Variants in GSK3B observed in about 807,000 individuals in gnomAD.
GSK3B encodes glycogen synthase kinase 3 beta.
In GSK3B, 15 loss-of-function variants were observed where a neutral mutation model predicts 56.4. The ratio of observed to expected loss-of-function variants is 0.27; its 90% CI spans 0.18 to 0.41. GSK3B has a LOEUF of 0.41. Among genes scored for constraint, GSK3B ranks in the 10% least tolerant of loss-of-function variants. The probability of loss-of-function intolerance (pLI) is 1.00; values close to 1 mark genes in which losing one functional copy is unlikely to be tolerated. For missense variants in GSK3B, 300 were observed against 513.4 expected (o/e 0.58, Z 4.02); for synonymous variants, 181 against 188.9 (o/e 0.96, Z 0.34).
chr3:119,919,519 G>GAA (rs1166564827), intron 4 of GSK3B, among the ~76,000 whole-genome samples: 1 of 37,802 alleles, frequency 2.6e-5, no homozygotes, highest in Non-Finnish European at 6.2e-5. Flanking sequence ...GGTTACATAA[G>GAA]AAAAAAAAAA....
intron 1 of GSK3B, among the ~76,000 whole-genome samples, chr3:120,026,703 G>A (rs1027278440): frequency 7.9e-5 from 12 of 151,064 alleles, no homozygotes; most frequent in South Asian, 4.2e-4. Flanking sequence ...GATTACAGGC[G>A]CGCACCACCA....
intron 5 of GSK3B, among the ~76,000 whole-genome samples, chr3:119,914,262 G>A (rs1244918562): frequency 6.6e-6 from 1 of 151,930 alleles, no homozygotes; most frequent in African/African-American, 2.4e-5. Flanking sequence ...ATCTGATAAT[G>A]TACAGTCCAA....
chr3:119,913,176 G>A (rs946642596), intron 5 of GSK3B, among the ~76,000 whole-genome samples: 1 of 152,088 alleles, frequency 6.6e-6, no homozygotes, highest in Middle Eastern at 3.4e-3. Context: ...GCATGACAAT[G>A]GATTCTAAGA....
At chr3:119,992,987 T>C (rs1229849091) in intron 2 of GSK3B, among the ~76,000 whole-genome samples, 1 of 151,406 alleles carries the variant, frequency 6.6e-6, no homozygotes, top group East Asian at 1.9e-4. Flanking sequence ...AGAATGCAAA[T>C]TGGTATAACC....
rs751790636 is a variant in GSK3B at position 119,971,601 on chromosome 3, A to ATTTTTTT, written c.283-24257_283-24251dup. ...ATTGATACTTAAACTATTTGCAATA[A>ATTTTTTT]TTTTTTTTTTTTTTTTTTTTTTTTT... On this transcript the variant is annotated intron_variant, in intron 2 of 10. Coordinates refer to ENST00000264235, the MANE Select transcript of GSK3B (RefSeq NM_001146156.2). Among the ~76,000 whole-genome samples the ATTTTTTT allele has an allele frequency of 6.4e-3, 537 of 83,852 alleles. 74 individuals carry two copies. The highest frequency in any genetic ancestry group is 0.021 in the African/African-American group (394 of 18,794). 55.0% of individuals were successfully genotyped at this position (83,852 alleles called of 152,430 possible).
At chr3:120,062,103 A>G (rs1461208854) in intron 1 of GSK3B, among the ~76,000 whole-genome samples, 1 of 152,068 alleles carries the variant, frequency 6.6e-6, no homozygotes, top group African/African-American at 2.4e-5. Flanking sequence ...TTGCATTTCT[A>G]ATTTTTAACA....
intron 1 of GSK3B, among the ~76,000 whole-genome samples, chr3:120,020,465 C>T (rs547233894): frequency 9.9e-5 from 15 of 152,268 alleles, no homozygotes; most frequent in African/African-American, 3.4e-4. Flanking sequence ...CTCTGTGTCA[C>T]ATTTTGGTAA....
intron 8 of GSK3B, among the ~76,000 whole-genome samples, chr3:119,874,985 G>T (rs930260508): frequency 3.3e-5 from 5 of 152,054 alleles, no homozygotes; most frequent in African/African-American, 1.2e-4. Context: ...AGAGCCAGGT[G>T]AGAGTCCCTA....
At chr3:120,002,868 CA>C (rs1559871884) in intron 1 of GSK3B, among the ~76,000 whole-genome samples, 1 of 152,114 alleles carries the variant, frequency 6.6e-6, no homozygotes, top group Non-Finnish European at 1.5e-5. Flanking sequence ...AAGGTGAACC[CA>C]TAAGAGTCTG....
chr3:119,878,332 T>A (rs1366290603), intron 7 of GSK3B, among the ~76,000 whole-genome samples: 1 of 152,050 alleles, frequency 6.6e-6, no homozygotes. Flanking sequence ...TCACCAAGGA[T>A]GACAGAGAGA....
intron 2 of GSK3B, among the ~76,000 whole-genome samples, chr3:119,951,220 T>C (rs1429503090): frequency 6.6e-6 from 1 of 152,208 alleles, no homozygotes; most frequent in Non-Finnish European, 1.5e-5. Context: ...CCAAGGCTAA[T>C]GTGAAAAATG....
intron 1 of GSK3B, among the ~76,000 whole-genome samples, chr3:120,005,055 G>A (rs1439410428): frequency 6.6e-6 from 1 of 152,022 alleles, no homozygotes; most frequent in Non-Finnish European, 1.5e-5. Flanking sequence ...TGGCTAACTA[G>A]AATAAACAGT....
chr3:119,995,640 G>A (rs983522715), intron 2 of GSK3B, among the ~76,000 whole-genome samples: 60 of 151,528 alleles, frequency 4.0e-4, no homozygotes, highest in African/African-American at 1.3e-3. Flanking sequence ...TCACCATATT[G>A]GTCAGGATCT....
At chr3:119,839,010 A>G (rs2055733905) in intron 10 of GSK3B, among the ~76,000 whole-genome samples, 1 of 152,214 alleles carries the variant, frequency 6.6e-6, no homozygotes, top group Non-Finnish European at 1.5e-5. Flanking sequence ...CTCAAACTTA[A>G]TATTTGCACC....
chr3:119,984,219 A>C (rs192970033), intron 2 of GSK3B, among the ~76,000 whole-genome samples: 4 of 152,312 alleles, frequency 2.6e-5, no homozygotes, highest in African/African-American at 7.2e-5. Flanking sequence ...GTGTAGAGGG[A>C]AATTTATAGC....
chr3:120,048,939 G>T (rs76341636), intron 1 of GSK3B, among the ~76,000 whole-genome samples: 3,945 of 152,200 alleles, frequency 0.026, 175 homozygotes, highest in African/African-American at 0.089. Context: ...AACATTCAAT[G>T]AAAGTCAATC....
At chr3:120,011,342 T>C (rs1244317401) in intron 1 of GSK3B, among the ~76,000 whole-genome samples, 2 of 152,180 alleles carry the variant, frequency 1.3e-5, no homozygotes, top group Non-Finnish European at 1.5e-5. Flanking sequence ...AAACTAGCTA[T>C]GATAGATATC....
chr3:120,023,388 C>T (rs2057896177), intron 1 of GSK3B, among the ~76,000 whole-genome samples: 1 of 150,540 alleles, frequency 6.6e-6, no homozygotes, highest in African/African-American at 2.5e-5. Context: ...TAAAAGTTAA[C>T]TACAAAACAA....
intron 3 of GSK3B, among the ~76,000 whole-genome samples, chr3:119,936,070 G>T (rs1171235812): frequency 2.0e-5 from 3 of 151,824 alleles, no homozygotes; most frequent in Admixed American, 2.0e-4. Context: ...AAATAGAAGA[G>T]AACTTCCTCA....
Sources: gnomAD v4.1 joint callset for allele counts (sites outside exome capture counted in the v4.1 genomes callset) on GRCh38, gnomAD v4.1.1 for gene constraint, MANE v1.5 for transcripts, NCBI Gene and HGNC (gene_info 2026-07-23, HGNC 2026-07-21) for gene names.